PPFIA1: variants seen among roughly 807,000 people sequenced by gnomAD.
PPFIA1 encodes liprin-alpha-1.
In PPFIA1, 25 loss-of-function variants were observed where a neutral mutation model predicts 149.9. The ratio of observed to expected loss-of-function variants is 0.17; its 90% CI spans 0.12 to 0.23. PPFIA1 has a LOEUF of 0.23. PPFIA1 is among the 10% of genes least tolerant of loss of function. The pLI is 1.00. For missense variants in PPFIA1, 1,362 were observed against 1,506.5 expected (o/e 0.90, Z 1.59); for synonymous variants, 549 against 552.8 (o/e 0.99, Z 0.10).
intron 2 of PPFIA1, among the ~76,000 whole-genome samples, chr11:70,317,468 T>C (rs1224545463): frequency 6.6e-6 from 1 of 152,250 alleles, no homozygotes; most frequent in African/African-American, 2.4e-5. Flanking sequence ...TTTTCTACTG[T>C]AGCCACAGCA....
Position 70,278,936 on chromosome 11 carries a change from C to T in PPFIA1, c.264+6500C>T, listed in dbSNP as rs1364410755. ...TTTAGACAGTCTGCTGTTGTCCTTT[C>T]TTCCCAATTAGAGATTTGTGGATGT... On this transcript the variant is annotated intron_variant, in intron 2 of 27. Coordinates refer to ENST00000253925, the MANE Select transcript of PPFIA1 (RefSeq NM_003626.5). 4 of 614,258 alleles carry T rather than the reference C, an allele frequency of 6.5e-6. No individual in the cohort carries two copies. In the East Asian group the frequency reaches 1.2e-4, roughly 18 times the overall value. 38.1% of individuals were successfully genotyped at this position (614,258 alleles called of 1,614,324 possible).
At chr11:70,340,194 C>T (rs1472364650) in intron 14 of PPFIA1, among the ~76,000 whole-genome samples, 1 of 151,698 alleles carries the variant, frequency 6.6e-6, no homozygotes, top group Non-Finnish European at 1.5e-5. Context: ...ATAGTCCCAG[C>T]TACTCAGGAG....
chr11:70,372,958 T>C (rs1293944292), intron 23 of PPFIA1, among the ~76,000 whole-genome samples: 1 of 152,186 alleles, frequency 6.6e-6, no homozygotes, highest in African/African-American at 2.4e-5. Context: ...GACTGGGGGC[T>C]TATCCAAGGG....
chr11:70,311,901 TG>T (rs1171532052), intron 2 of PPFIA1, among the ~76,000 whole-genome samples: 1 of 131,442 alleles, frequency 7.6e-6, no homozygotes, highest in Admixed American at 9.6e-5. Flanking sequence ...TGGAATAGAG[TG>T]GTGTAGACAC....
chr11:70,278,651 T>G (rs553923375), intron 2 of PPFIA1, among the ~76,000 whole-genome samples: 2 of 152,284 alleles, frequency 1.3e-5, no homozygotes, highest in Non-Finnish European at 2.9e-5. Context: ...ATCCAAACAG[T>G]TTTTTGAAAA....
chr11:70,333,344 C>G, intron 9 of PPFIA1, 126 bp from the exon 10 acceptor site: 1 of 741,046 alleles, frequency 1.3e-6, no homozygotes, highest in Non-Finnish European at 2.4e-6. Flanking sequence ...TGAGTACATG[C>G]TTTCCATTTA....
chr11:70,346,096 C>A, intron 15 of PPFIA1: 1 of 335,922 alleles, frequency 3.0e-6, no homozygotes, highest in Non-Finnish European at 6.1e-6. Flanking sequence ...ACAAAACGGG[C>A]CAACTGTAGA....
chr11:70,333,383 G>A (rs2054786333), intron 9 of PPFIA1, 87 bp from the exon 10 acceptor site: 2 of 999,126 alleles, frequency 2.0e-6, no homozygotes, highest in South Asian at 2.7e-5. Context: ...CGCAGAGCAT[G>A]TTGTGCCTGT....
chr11:70,302,208 G>A (rs1449826709), intron 2 of PPFIA1, among the ~76,000 whole-genome samples: 1 of 152,228 alleles, frequency 6.6e-6, no homozygotes, highest in Admixed American at 6.5e-5. Context: ...CAAGGGGATC[G>A]TGGGGATGGC....
At chr11:70,358,150 T>C (rs2056447030) in intron 19 of PPFIA1, 1 of 152,226 alleles carries the variant, frequency 6.6e-6, no homozygotes, top group Non-Finnish European at 1.5e-5. Flanking sequence ...ATTATTTGTC[T>C]GACTATAGAG....
intron 2 of PPFIA1, among the ~76,000 whole-genome samples, chr11:70,286,286 C>T (rs1467415581): frequency 6.6e-6 from 1 of 152,208 alleles, no homozygotes. Flanking sequence ...GAGTCTCGTC[C>T]TGTTGCCCAG....
chr11:70,320,660 C>T (rs2053885547), intron 2 of PPFIA1, among the ~76,000 whole-genome samples: 1 of 152,040 alleles, frequency 6.6e-6, no homozygotes, highest in African/African-American at 2.4e-5. Flanking sequence ...TGGTCTTGAA[C>T]TCCTGGGCTC....
chr11:70,340,531 G>C (rs1328249871), intron 14 of PPFIA1, among the ~76,000 whole-genome samples: 1 of 152,202 alleles, frequency 6.6e-6, no homozygotes, highest in Non-Finnish European at 1.5e-5. Context: ...TCTTTGGTCT[G>C]TTCAGCAGCA....
At chr11:70,340,391 T>C (rs2137073656) in intron 14 of PPFIA1, among the ~76,000 whole-genome samples, 1 of 152,342 alleles carries the variant, frequency 6.6e-6, no homozygotes, top group South Asian at 2.1e-4. Flanking sequence ...TGGTGAGCTC[T>C]ATGATTGCAC....
chr11:70,282,157 G>A (rs574555452), intron 2 of PPFIA1, among the ~76,000 whole-genome samples: 3 of 152,282 alleles, frequency 2.0e-5, no homozygotes, highest in South Asian at 2.1e-4. Flanking sequence ...TGCCCAGCGG[G>A]AGACACAGCC....
intron 13 of PPFIA1, among the ~76,000 whole-genome samples, chr11:70,338,771 G>A (rs2055132259): frequency 6.6e-6 from 1 of 152,248 alleles, no homozygotes; most frequent in Non-Finnish European, 1.5e-5. Context: ...ACAGATGCTG[G>A]CACGGGTGGG....
rs1000458291 is a variant in PPFIA1 at position 70,351,067 on chromosome 11, G to A, written c.2163+2647G>A. 3.9e-6 allele frequency: 4 copies of A among 1,015,504 alleles called. No individual in the cohort carries two copies. In the East Asian group the frequency reaches 2.1e-4, roughly 52 times the overall value. 62.9% of individuals were successfully genotyped at this position (1,015,504 alleles called of 1,614,324 possible). The stretch of plus-strand genomic sequence containing the variant: ...TAACATATCTTTGTATCTCCATAAT[G>A]TATTGAAGAGTACCTATCATATTTT... On this transcript the variant is annotated intron_variant, in intron 16 of 27. Transcript: ENST00000253925.
At chr11:70,367,341 C>G (rs2056992595) in intron 21 of PPFIA1, among the ~76,000 whole-genome samples, 1 of 152,230 alleles carries the variant, frequency 6.6e-6, no homozygotes, top group Non-Finnish European at 1.5e-5. Flanking sequence ...CGCCGAGAGA[C>G]TAGGGGAGGA....
chr11:70,341,318 G>C (rs535975221), intron 14 of PPFIA1, among the ~76,000 whole-genome samples: 2 of 151,302 alleles, frequency 1.3e-5, no homozygotes, highest in African/African-American at 4.9e-5. Flanking sequence ...GGAGGAAGGA[G>C]AAGGAGCACA....
Sources: gnomAD v4.1 joint callset for allele counts (sites outside exome capture counted in the v4.1 genomes callset) on GRCh38, gnomAD v4.1.1 for gene constraint, MANE v1.5 for transcripts, NCBI Gene and HGNC (gene_info 2026-07-23, HGNC 2026-07-21) for gene names.